GPR160: variants seen among roughly 807,000 people sequenced by gnomAD.
GPR160 encodes G protein-coupled receptor 160.
A neutral mutation model predicts 2.6 loss-of-function variants in GPR160; 2 were observed. That is an observed-to-expected ratio of 0.77 (90% CI 0.32 to 2.44). The LOEUF (loss-of-function observed/expected upper bound fraction) is 2.44. Among genes scored for constraint, GPR160 ranks in the 30% most tolerant of loss-of-function variants. The pLI, the probability that GPR160 is intolerant of heterozygous loss-of-function variation, is 0.11. For synonymous variants in GPR160, 130 were observed against 132.2 expected (o/e 0.98, Z 0.12); for missense variants, 351 against 383.6 (o/e 0.91, Z 0.71).
At chr3:170,057,217 A>G (rs1278725895) in intron 2 of GPR160, 2 of 152,206 alleles carry the variant, frequency 1.3e-5, no homozygotes, top group African/African-American at 2.4e-5. Context: ...GTAAGTTGAA[A>G]TACAAAGGGG....
intron 2 of GPR160, among the ~76,000 whole-genome samples, chr3:170,067,287 G>C (rs907079540): frequency 5.9e-5 from 9 of 152,190 alleles, no homozygotes; most frequent in African/African-American, 1.9e-4. Context: ...TTACAAGCGT[G>C]AGCCGTCGTG....
rs1178468565 is a variant in GPR160 at position 170,058,593 on chromosome 3, G to A, written c.-193+19550G>A. 3.3e-5 allele frequency among the ~76,000 whole-genome samples: 5 copies of A among 152,132 alleles called. No individual in the cohort carries two copies. The South Asian group carries it at 6.2e-4, about 19-fold the overall frequency. On this transcript the variant is annotated intron_variant, in intron 2 of 3. Coordinates refer to ENST00000355897, the MANE Select transcript of GPR160 (RefSeq NM_014373.3). ...CTTAGAATTCAATACTAGTTAAACC[G>A]TCATTCAAAAATGATGATCAGCAGT...
At chr3:170,045,791 A>G (rs1716695602) in intron 2 of GPR160, among the ~76,000 whole-genome samples, 1 of 152,114 alleles carries the variant, frequency 6.6e-6, no homozygotes, top group African/African-American at 2.4e-5. Context: ...TAGCCAGAGC[A>G]AACAGGGAGA....
At chr3:170,081,491 A>G (rs1247397201) in intron 3 of GPR160, among the ~76,000 whole-genome samples, 15 of 152,184 alleles carry the variant, frequency 9.9e-5, no homozygotes, top group Non-Finnish European at 2.9e-5. Context: ...GATTATTTGT[A>G]TACCTTAATA....
At chr3:170,070,043 T>G (rs1712518327) in intron 2 of GPR160, among the ~76,000 whole-genome samples, 1 of 152,118 alleles carries the variant, frequency 6.6e-6, no homozygotes, top group African/African-American at 2.4e-5. Flanking sequence ...TCTCCAAATA[T>G]AGTCACATTT....
intron 2 of GPR160, among the ~76,000 whole-genome samples, chr3:170,064,612 G>A (rs1295111019): frequency 7.3e-6 from 1 of 137,162 alleles, no homozygotes. Context: ...TCCACCTCCC[G>A]CGTTAAAGCG....
At chr3:170,078,203 C>T (rs1407669471) in intron 2 of GPR160, among the ~76,000 whole-genome samples, 2 of 152,130 alleles carry the variant, frequency 1.3e-5, no homozygotes, top group African/African-American at 2.4e-5. Context: ...AAATCTTAAA[C>T]GACATCATGC....
In GPR160 at chr3:170,083,948, GTCT is replaced by G. The variant is rs1469276900; in HGVS notation, c.-20_-18del. 6 of 1,351,660 alleles carry G rather than the reference GTCT, an allele frequency of 4.4e-6. No homozygotes were observed. Among genetic ancestry groups the G allele is most frequent in the Admixed American group, 2.7e-5 (1 of 36,674 alleles). The allele number at this position is 1,351,660 out of a possible 1,614,324, so 83.7% of individuals were successfully genotyped here. A position where few individuals can be genotyped will look rare whatever the true frequency, so the allele number is the denominator to read the frequency against. On this transcript the variant is annotated 5_prime_UTR_variant, in exon 4 of 4. Transcript: ENST00000355897. ...TGTTTTATCATGTGTATTTCAGCAG[GTCT>G]TCTTGAAATTTAACTAAAAATATGA...
At chr3:170,044,451 A>G (rs780440902) in intron 2 of GPR160, among the ~76,000 whole-genome samples, 1 of 151,888 alleles carries the variant, frequency 6.6e-6, no homozygotes, top group Non-Finnish European at 1.5e-5. Flanking sequence ...TTTTTCTCCC[A>G]TGCTGCCTAT....
intron 2 of GPR160, among the ~76,000 whole-genome samples, chr3:170,054,361 T>G (rs919463964): frequency 5.9e-5 from 9 of 152,168 alleles, no homozygotes; most frequent in African/African-American, 2.2e-4. Context: ...TCTTCAAAAT[T>G]GCTTTTGCCT....
At chr3:170,075,694 C>A (rs1041433560) in intron 2 of GPR160, among the ~76,000 whole-genome samples, 1 of 152,160 alleles carries the variant, frequency 6.6e-6, no homozygotes, top group Non-Finnish European at 1.5e-5. Flanking sequence ...CCTGGTAGAC[C>A]ATTAACTGTA....
intron 2 of GPR160, among the ~76,000 whole-genome samples, chr3:170,044,027 A>G (rs1716584073): frequency 6.6e-6 from 1 of 151,658 alleles, no homozygotes; most frequent in African/African-American, 2.4e-5. Flanking sequence ...CCCAAATGGA[A>G]TAACAAAATA....
chr3:170,076,100 G>A (rs1403297167), intron 2 of GPR160, among the ~76,000 whole-genome samples: 3 of 152,090 alleles, frequency 2.0e-5, no homozygotes, highest in Admixed American at 6.5e-5. Flanking sequence ...ACAAATAACT[G>A]GTTATAGTGG....
At chr3:170,062,399 G>T in intron 2 of GPR160, 1 of 381,480 alleles carries the variant, frequency 2.6e-6, no homozygotes. Context: ...CTTTTCCTCC[G>T]TGAGCCTAAC....
intron 2 of GPR160, among the ~76,000 whole-genome samples, chr3:170,050,564 G>A (rs970930435): frequency 3.3e-5 from 5 of 151,958 alleles, no homozygotes; most frequent in African/African-American, 4.8e-5. Context: ...GCACCACCAC[G>A]CCCACCTAAT....
intron 2 of GPR160, among the ~76,000 whole-genome samples, chr3:170,071,890 CT>C (rs980700944): frequency 1.3e-5 from 2 of 150,406 alleles, no homozygotes; most frequent in South Asian, 2.1e-4. Context: ...GTTTTTGAGG[CT>C]TTTTTTTTGA....
At chr3:170,063,871 C>T (rs1712136613) in intron 2 of GPR160, among the ~76,000 whole-genome samples, 1 of 152,198 alleles carries the variant, frequency 6.6e-6, no homozygotes, top group Admixed American at 6.5e-5. Flanking sequence ...ATTTCCTCTT[C>T]CACCCGCTGC....
rs937355761 is a variant in GPR160 at position 170,042,683 on chromosome 3, A to T, written c.-193+3640A>T. Among the ~76,000 whole-genome samples, 188 of 148,404 alleles carry T rather than the reference A, an allele frequency of 1.3e-3. No individual in the cohort carries two copies. In the Middle Eastern group the frequency reaches 0.014, roughly 11 times the overall value. ...ATCTCTACAAAAAAAAAAAATAAATAAATAATAATAATAATAATAAAATTG... is the reference window on the plus strand; with the variant it reads ...ATCTCTACAAAAAAAAAAAATAAATTAATAATAATAATAATAATAAAATTG... On this transcript the variant is annotated intron_variant, in intron 2 of 3. Transcript: ENST00000355897.
chr3:170,079,494 CA>C (rs1368657853), intron 2 of GPR160, among the ~76,000 whole-genome samples: 1 of 152,168 alleles, frequency 6.6e-6, no homozygotes, highest in African/African-American at 2.4e-5. Context: ...CTTTGGAGGA[CA>C]GCTGCTTTAT....
Sources: gnomAD v4.1 joint callset for allele counts (sites outside exome capture counted in the v4.1 genomes callset) on GRCh38, gnomAD v4.1.1 for gene constraint, MANE v1.5 for transcripts, NCBI Gene and HGNC (gene_info 2026-07-23, HGNC 2026-07-21) for gene names.